The following PLB1 variants were observed in gnomAD, a reference collection of about 807,000 sequenced individuals.
PLB1 encodes the protein phospholipase B1, membrane-associated.
A neutral mutation model predicts 227.4 loss-of-function variants in PLB1; 242 were observed. The ratio of observed to expected loss-of-function variants is 1.06; its 90% CI spans 0.96 to 1.18. The LOEUF is 1.18. Among genes scored for constraint, PLB1 ranks in the 50% most tolerant of loss-of-function variants. The pLI, the probability that PLB1 is intolerant of heterozygous loss-of-function variation, is 0.00. For missense variants in PLB1, 1,858 were observed against 1,816.3 expected, an observed-to-expected ratio of 1.02 and a Z score of -0.42; for synonymous variants, 757 against 682.2, an observed-to-expected ratio of 1.11 and a Z score of -1.71.
At chr2:28,602,970 G>C in intron 39 of PLB1, 49 bp downstream of exon 39, 1 of 1,520,066 alleles carries the variant, frequency 6.6e-7, no homozygotes, top group Non-Finnish European at 9.1e-7. Context: ...TCACCTCCTG[G>C]TCTGGCCCAC....
chr2:28,609,455 G>A (rs892340715), intron 43 of PLB1, among the ~76,000 whole-genome samples: 3 of 151,944 alleles, frequency 2.0e-5, no homozygotes, highest in African/African-American at 7.3e-5. Flanking sequence ...GCAGGAGGGG[G>A]CTGAAATAAG....
intron 4 of PLB1, among the ~76,000 whole-genome samples, chr2:28,522,610 T>A (rs1362987887): frequency 1.3e-5 from 2 of 152,172 alleles, no homozygotes; most frequent in East Asian, 3.9e-4. Context: ...CCGCCCAGCG[T>A]TGGTCTCTAA....
intron 20 of PLB1, among the ~76,000 whole-genome samples, chr2:28,569,691 C>T (rs1677662662): frequency 6.6e-6 from 1 of 152,154 alleles, no homozygotes; most frequent in African/African-American, 2.4e-5. Context: ...TGAGGCCAGG[C>T]GTGGTGGCTC....
chr2:28,598,091 C>T (rs375872453), intron 34 of PLB1, 43 bp downstream of exon 34: 65 of 1,550,416 alleles, frequency 4.2e-5, no homozygotes, highest in African/African-American at 3.6e-4. Flanking sequence ...CTGTTCCACC[C>T]ATCTGGCCCC....
At chr2:28,641,098 C>T (rs1300783975) in intron 57 of PLB1, 97 bp downstream of exon 57, 4 of 1,149,140 alleles carry the variant, frequency 3.5e-6, no homozygotes, top group Non-Finnish European at 4.9e-6. Context: ...GGGATGCTCC[C>T]TCAAATGCGG....
At chr2:28,527,665 G>T (rs1360218701) in intron 6 of PLB1, among the ~76,000 whole-genome samples, 2 of 152,238 alleles carry the variant, frequency 1.3e-5, no homozygotes, top group African/African-American at 4.8e-5. Flanking sequence ...TGGTCCCTGT[G>T]AACCCAGCCC....
chr2:28,619,228 G>A (rs527553316), intron 46 of PLB1, among the ~76,000 whole-genome samples: 5 of 152,206 alleles, frequency 3.3e-5, no homozygotes, highest in East Asian at 3.9e-4. Context: ...CCCCGTGTGC[G>A]TTGTTCCCCT....
chr2:28,596,326 T>C (rs1364711986), intron 33 of PLB1, among the ~76,000 whole-genome samples: 1 of 152,240 alleles, frequency 6.6e-6, no homozygotes. Flanking sequence ...TTGAATATTT[T>C]TGCGCTTTTG....
chr2:28,565,166 A>C (rs1676668328), intron 18 of PLB1, 114 bp from the exon 19 acceptor site: 1 of 829,324 alleles, frequency 1.2e-6, no homozygotes, highest in African/African-American at 1.7e-5. Context: ...CCTAGATCCC[A>C]GAGAGTGCCC....
intron 6 of PLB1, among the ~76,000 whole-genome samples, chr2:28,528,066 T>G (rs1366778094): frequency 6.6e-6 from 1 of 152,166 alleles, no homozygotes; most frequent in Admixed American, 6.5e-5. Context: ...GTTCATTATT[T>G]TGGGTTAAGG....
Position 28,565,262 on chromosome 2 carries a change from C to T in PLB1, c.1207-18C>T, listed in dbSNP as rs1388865006. On this transcript the variant is annotated intron_variant, in intron 18 of 57. Coordinates refer to ENST00000327757, the MANE Select transcript of PLB1 (RefSeq NM_153021.5). ...TGGGGAAAGCAGAGAAACTCACCCC[C>T]TCATTGTTCCCTCTCAGGCAGGCAA... The T allele has an allele frequency of 6.2e-7, 1 of 1,606,282 alleles. No homozygotes were observed. The highest frequency in any genetic ancestry group is 1.7e-5 in the Admixed American group (1 of 59,110).
chr2:28,539,544 A>G (rs1266494482), intron 11 of PLB1, among the ~76,000 whole-genome samples: 3 of 152,206 alleles, frequency 2.0e-5, no homozygotes, highest in African/African-American at 7.2e-5. Flanking sequence ...GCCTAAATGT[A>G]GTTTAACTTC....
intron 1 of PLB1, among the ~76,000 whole-genome samples, chr2:28,507,868 GTATT>G (rs1667803935): frequency 6.6e-6 from 1 of 152,144 alleles, no homozygotes; most frequent in African/African-American, 2.4e-5. Flanking sequence ...ACAGGACAGA[GTATT>G]TAATTATGGT....
rs766139336 is a variant in PLB1, at chr2:28,598,737, A to G, written c.2451A>G (p.Gln817=). The G allele has an allele frequency of 2.5e-6, 4 of 1,614,024 alleles. No individual in the cohort carries two copies. In the African/African-American group the frequency reaches 5.3e-5, roughly 22 times the overall value. ...DANDTNAFLN[Q]AVPGAKAEDL... is the part of the protein sequence containing the mutation. ...ATGACACGAATGCATTCCTCAATCA[A>G]GCTGTTCCCGGAGCAAAGGCTGAGT... is the stretch of plus-strand genomic sequence containing the variant. The change falls in exon 35 of 58, where the codon CAA becomes CAG. Residue 817 remains glutamine, a synonymous_variant. Transcript: ENST00000327757.
intron 17 of PLB1, among the ~76,000 whole-genome samples, chr2:28,557,768 T>G (rs541803899): frequency 6.6e-6 from 1 of 152,244 alleles, no homozygotes; most frequent in African/African-American, 2.4e-5. Flanking sequence ...TTTAATCTTA[T>G]CACTAAATAG....
chr2:28,603,495 T>G (rs937554265), intron 39 of PLB1, among the ~76,000 whole-genome samples: 3 of 152,098 alleles, frequency 2.0e-5, no homozygotes, highest in Non-Finnish European at 2.9e-5. Flanking sequence ...CTCTCTTAAG[T>G]AGATGTGATG....
intron 1 of PLB1, among the ~76,000 whole-genome samples, chr2:28,505,620 A>T (rs969246519): frequency 6.6e-6 from 1 of 152,212 alleles, no homozygotes; most frequent in Non-Finnish European, 1.5e-5. Flanking sequence ...TGAGAAAAGG[A>T]TACCTTTTCA....
At position 28,519,703 on chromosome 2, in the gene PLB1, A is replaced by C; in HGVS notation, c.185-2A>C. ...TTCCTATATGGGTTCTTGTCTCCAC[A>C]GTTCACTCTCTGAAGCCTTCTGATA... On this transcript the variant is annotated splice_acceptor_variant, in intron 3 of 57. Transcript: ENST00000327757. LOFTEE classifies it high-confidence loss of function. 1 of 1,607,456 alleles carries C rather than the reference A, an allele frequency of 6.2e-7. No individual in the cohort carries two copies. Among genetic ancestry groups the C allele is most frequent in the Non-Finnish European group, 8.5e-7 (1 of 1,174,206 alleles).
At chr2:28,552,300 G>A (rs1674381910) in intron 16 of PLB1, among the ~76,000 whole-genome samples, 1 of 152,208 alleles carries the variant, frequency 6.6e-6, no homozygotes, top group South Asian at 2.1e-4. Flanking sequence ...TGAAAGGGGA[G>A]AGGGTAACTA....
Sources: allele counts gnomAD v4.1 joint callset (sites outside exome capture counted in the v4.1 genomes callset), GRCh38; gene constraint gnomAD v4.1.1; transcripts MANE v1.5; gene names NCBI Gene and HGNC (gene_info 2026-07-23, HGNC 2026-07-21).